Variants in PAX7 observed in about 807,000 individuals in gnomAD.
The protein encoded by PAX7 is paired box 7, also known as paired box protein Pax-7.
In PAX7, 18 loss-of-function variants were observed where a neutral mutation model predicts 50.7. That is an observed-to-expected ratio of 0.36 (90% CI 0.25 to 0.53). The LOEUF (loss-of-function observed/expected upper bound fraction) is 0.53. PAX7 is among the 20% of genes least tolerant of loss of function. The pLI, the probability that PAX7 is intolerant of heterozygous loss-of-function variation, is 0.93. For missense variants in PAX7, 644 were observed against 702.9 expected (o/e 0.92, Z 0.95); for synonymous variants, 310 against 290.4 (o/e 1.07, Z -0.69).
chr1:18,693,832 G>C (rs1418907528), intron 5 of PAX7, among the ~76,000 whole-genome samples: 1 of 152,212 alleles, frequency 6.6e-6, no homozygotes, highest in Non-Finnish European at 1.5e-5. Context: ...CTTGAAGCCT[G>C]ACTGCTCCTT....
intron 7 of PAX7, among the ~76,000 whole-genome samples, chr1:18,728,107 G>A (rs13375933): frequency 0.011 from 1,706 of 152,298 alleles, 39 homozygotes; most frequent in African/African-American, 0.039. Flanking sequence ...GCCAGTAGGG[G>A]CATGCGTGTG....
chr1:18,740,369 C>T (rs1473082786), intron 8 of PAX7, among the ~76,000 whole-genome samples: 2 of 152,166 alleles, frequency 1.3e-5, no homozygotes, highest in Admixed American at 6.5e-5. Context: ...CTGGGAGAGG[C>T]TGACAAGGAT....
intron 6 of PAX7, among the ~76,000 whole-genome samples, chr1:18,702,642 C>T (rs2089236628): frequency 3.9e-5 from 6 of 152,226 alleles, no homozygotes; most frequent in Middle Eastern, 3.4e-3. Context: ...TGCCCCAAGC[C>T]CACCAAGCCT....
At chr1:18,662,549 GTT>G (rs2088614995) in intron 4 of PAX7, among the ~76,000 whole-genome samples, 1 of 151,684 alleles carries the variant, frequency 6.6e-6, no homozygotes, top group Non-Finnish European at 1.5e-5. Context: ...ATTAGTTCTA[GTT>G]TTTTGTTTGT....
chr1:18,712,730 G>T (rs182793367), intron 7 of PAX7, among the ~76,000 whole-genome samples: 1 of 152,150 alleles, frequency 6.6e-6, no homozygotes, highest in Non-Finnish European at 1.5e-5. Context: ...GGAAGATATC[G>T]GGTCTTCAGC....
At chr1:18,658,136 G>C (rs981450345) in intron 4 of PAX7, among the ~76,000 whole-genome samples, 1 of 152,154 alleles carries the variant, frequency 6.6e-6, no homozygotes, top group African/African-American at 2.4e-5. Context: ...CATCTGCAGC[G>C]GGAGGAATAA....
At position 18,735,678 on chromosome 1, in the gene PAX7, A is replaced by C; in HGVS notation, c.1202A>C (p.Gln401Pro). 6.2e-7 allele frequency: 1 copy of C among 1,614,122 alleles called. No homozygotes were observed. The highest frequency in any genetic ancestry group is 1.3e-5 in the African/African-American group (1 of 75,060). Reference protein sequence around the residue: ...GNPSAVPPQPQADFSISPLHG... With the variant: ...GNPSAVPPQPPADFSISPLHG... ...CCCAGTGCGGTGCCCCCGCAGCCAC[A>C]GGCTGACTTCTCCATCTCCCCGCTG... Residue 401 changes from glutamine to proline, a missense_variant, in exon 8 of 9, where the codon CAG becomes CCG. Physicochemically the swap from Gln to Pro is moderately conservative, Grantham distance 76 (BLOSUM62 -1). Transcript: ENST00000420770. The surrounding 1 kb of genome is among the most constrained non-coding windows in gnomAD (Gnocchi z 4.0).
chr1:18,661,603 A>G (rs2088600336), intron 4 of PAX7, among the ~76,000 whole-genome samples: 1 of 152,220 alleles, frequency 6.6e-6, no homozygotes. Flanking sequence ...TCTGTAAAAT[A>G]GGGCTAACAA....
At position 18,634,589 on chromosome 1, in the gene PAX7, C is replaced by T. The variant is rs779689254; in HGVS notation, c.321+51C>T. The T allele has an allele frequency of 1.3e-6, 2 of 1,529,580 alleles. No homozygotes were observed. Among genetic ancestry groups the T allele is most frequent in the South Asian group, 2.3e-5 (2 of 87,366 alleles). The allele number at this position is 1,529,580 out of a possible 1,614,324, so 94.8% of individuals were successfully genotyped here. Reference sequence around the variant, plus strand: ...GCAGCTGGCTTCCTATAGTCGGGGGCTCCTGGTTGTGGCCCCTCTTACTAC... The same window carrying T: ...GCAGCTGGCTTCCTATAGTCGGGGGTTCCTGGTTGTGGCCCCTCTTACTAC... On this transcript the variant is annotated intron_variant, in intron 2 of 8. Transcript: ENST00000420770. The surrounding 1 kb of genome is among the most constrained non-coding windows in gnomAD (Gnocchi z 4.0).
chr1:18,673,740 A>G (rs1422162988), intron 4 of PAX7, among the ~76,000 whole-genome samples: 2 of 152,238 alleles, frequency 1.3e-5, no homozygotes, highest in Non-Finnish European at 2.9e-5. Flanking sequence ...GACCCTTTGC[A>G]GTGAGATACT....
chr1:18,679,048 G>T (rs2100262066), intron 4 of PAX7, among the ~76,000 whole-genome samples: 1 of 152,272 alleles, frequency 6.6e-6, no homozygotes, highest in East Asian at 1.9e-4. Flanking sequence ...GTTGTGATTT[G>T]CTACAGGAAA....
chr1:18,744,935 CT>C lies in PAX7; in HGVS notation c.*7del. ...AAACTGGCCAGGCCTACTAGGGCCC[CT>C]GGGGCGACTTGCCCCAGCCCAATTC... On this transcript the variant is annotated 3_prime_UTR_variant, in exon 9 of 9. Transcript: ENST00000420770. 1 of 1,495,182 alleles carries C rather than the reference CT, an allele frequency of 6.7e-7. No homozygotes were observed. The highest frequency in any genetic ancestry group is 1.4e-5 in the African/African-American group (1 of 72,116). The allele number at this position is 1,495,182 out of a possible 1,614,324, so 92.6% of individuals were successfully genotyped here.
At chr1:18,631,839 G>A (rs1314379360) in intron 1 of PAX7, 151 bp downstream of exon 1, 1 of 666,666 alleles carries the variant, frequency 1.5e-6, no homozygotes, top group African/African-American at 1.8e-5. Flanking sequence ...GCGGAACCCA[G>A]GGAGTTTCTG....
chr1:18,639,323 A>G (rs2088210737), intron 4 of PAX7, among the ~76,000 whole-genome samples: 1 of 151,928 alleles, frequency 6.6e-6, no homozygotes, highest in Non-Finnish European at 1.5e-5. Flanking sequence ...TTGAGCTTTT[A>G]TTTCTGTGCA....
intron 4 of PAX7, among the ~76,000 whole-genome samples, chr1:18,684,156 C>T (rs570748628): frequency 2.6e-5 from 4 of 152,276 alleles, no homozygotes; most frequent in Non-Finnish European, 4.4e-5. Context: ...CCTGCCATTG[C>T]TGGGGAAGAA....
At chr1:18,740,246 G>A (rs953089197) in intron 8 of PAX7, among the ~76,000 whole-genome samples, 1 of 152,182 alleles carries the variant, frequency 6.6e-6, no homozygotes, top group African/African-American at 2.4e-5. Flanking sequence ...AGCCTGTTGG[G>A]TGCCCTTGAA....
At chr1:18,730,458 CT>C (rs2089632343) in intron 7 of PAX7, among the ~76,000 whole-genome samples, 1 of 152,146 alleles carries the variant, frequency 6.6e-6, no homozygotes, top group South Asian at 2.1e-4. Context: ...ACCCCCACCC[CT>C]ATCCTGACCT....
chr1:18,675,081 G>T (rs2088806234), intron 4 of PAX7, among the ~76,000 whole-genome samples: 1 of 152,174 alleles, frequency 6.6e-6, no homozygotes, highest in Admixed American at 6.5e-5. Context: ...TTGCTGCTTA[G>T]CATCTGAGCA....
rs547845055 is a variant in PAX7 at position 18,708,580 on chromosome 1, T to C, written c.1155+5284T>C. ...AAAATTAATTAATTAATTAAAAACATAAAATGACTTAGGATGAAAGGAACC... is the reference window on the plus strand; with the variant it reads ...AAAATTAATTAATTAATTAAAAACACAAAATGACTTAGGATGAAAGGAACC... On this transcript the variant is annotated intron_variant, in intron 7 of 8. Coordinates refer to ENST00000420770, the MANE Select transcript of PAX7 (RefSeq NM_001135254.2). Among the ~76,000 whole-genome samples, 7 of 152,054 alleles carry C rather than the reference T, an allele frequency of 4.6e-5. No individual in the cohort carries two copies. In the South Asian group the frequency reaches 1.5e-3, roughly 32 times the overall value.
Sources: gnomAD v4.1 joint callset for allele counts (sites outside exome capture counted in the v4.1 genomes callset) on GRCh38, gnomAD v4.1.1 for gene constraint, Gnocchi (gnomAD v3.1) non-coding constraint, MANE v1.5 for transcripts, NCBI Gene and HGNC (gene_info 2026-07-23, HGNC 2026-07-21) for gene names.